Variants in LEKR1 observed in about 807,000 individuals in gnomAD.
LEKR1 encodes protein LEKR1.
Under a neutral mutation model 72.4 loss-of-function variants are expected in LEKR1, and 59 were observed. The observed-to-expected ratio is 0.82, with a 90% CI of 0.66 to 1.01. The LOEUF (loss-of-function observed/expected upper bound fraction) is 1.01, where lower values mean the gene tolerates loss of function less well. Ranked by LOEUF, LEKR1 falls within the 50% of genes least tolerant of loss-of-function variation. The pLI is 0.00. For missense variants in LEKR1, 728 were observed against 759.2 expected, an observed-to-expected ratio of 0.96 and a Z score of 0.48; for synonymous variants, 257 against 263.2, an observed-to-expected ratio of 0.98 and a Z score of 0.23.
chr3:156,865,947 A>T (rs778159543), intron 3 of LEKR1, among the ~76,000 whole-genome samples: 2 of 152,054 alleles, frequency 1.3e-5, no homozygotes, highest in Non-Finnish European at 2.9e-5. Context: ...TGGGGTTCCC[A>T]TGAACATCCT....
rs553093265 is a variant in LEKR1 at position 156,859,759 on chromosome 3, ACT to A, written c.263+6780_263+6781del. 2.9e-3 allele frequency among the ~76,000 whole-genome samples: 442 copies of A among 152,204 alleles called. 1 individual carries two copies. The highest frequency in any genetic ancestry group is 4.5e-3 in the Non-Finnish European group (305 of 67,994). Reference sequence around the variant, plus strand: ...AGAACAGTTTCACTACCCTAAAAATACTCTGTGTTCTACTTATGCATCCTCCT... The same window carrying A: ...AGAACAGTTTCACTACCCTAAAAATACTGTGTTCTACTTATGCATCCTCCT... On this transcript the variant is annotated intron_variant, in intron 3 of 12. Transcript: ENST00000356539.
chr3:156,911,775 CT>C (rs1254798359), intron 3 of LEKR1, among the ~76,000 whole-genome samples: 1 of 151,482 alleles, frequency 6.6e-6, no homozygotes, highest in Non-Finnish European at 1.5e-5. Context: ...TTCCCAATTG[CT>C]TTTTTTTGTC....
chr3:156,974,860 T>G (rs1291031514), intron 6 of LEKR1, among the ~76,000 whole-genome samples: 1 of 152,148 alleles, frequency 6.6e-6, no homozygotes, highest in Non-Finnish European at 1.5e-5. Flanking sequence ...CAATTAACAC[T>G]TCCATTTTTA....
chr3:156,840,958 A>ACAAAG (rs1198869654), intron 2 of LEKR1, among the ~76,000 whole-genome samples: 1 of 151,568 alleles, frequency 6.6e-6, no homozygotes, highest in Non-Finnish European at 1.5e-5. Context: ...AATAAAAGAA[A>ACAAAG]CAAAGCAAAG....
At chr3:156,853,514 A>G (rs552833470) in intron 3 of LEKR1, among the ~76,000 whole-genome samples, 3 of 152,088 alleles carry the variant, frequency 2.0e-5, no homozygotes, top group Non-Finnish European at 4.4e-5. Context: ...GTGAGCCTAC[A>G]CAGGAGAGTT....
chr3:156,931,795 C>T, intron 5 of LEKR1, among the ~76,000 whole-genome samples: 1 of 151,882 alleles, frequency 6.6e-6, no homozygotes, highest in Non-Finnish European at 1.5e-5. Context: ...ACAGGCAAAA[C>T]TAATCTACAC....
rs529057195 is a variant in LEKR1, at chr3:157,002,139, G to A, written c.1109+8862G>A. ...TAAATTTAGAATCTAAATCTGTGTC[G>A]TTTCCTATAATTCTAAAACATCAAC... is the stretch of plus-strand genomic sequence containing the variant. On this transcript the variant is annotated intron_variant, in intron 9 of 12. Transcript: ENST00000356539. Among the ~76,000 whole-genome samples, 278 of 152,096 alleles carry A rather than the reference G, an allele frequency of 1.8e-3. 2 individuals carry two copies. The highest frequency in any genetic ancestry group is 6.4e-3 in the African/African-American group (264 of 41,498).
At chr3:156,982,831 A>G (rs751361928) in intron 7 of LEKR1, among the ~76,000 whole-genome samples, 1 of 148,408 alleles carries the variant, frequency 6.7e-6, no homozygotes, top group Non-Finnish European at 1.5e-5. Context: ...TTTCATATAT[A>G]TATGAATATG....
In LEKR1 at chr3:156,846,611, T is replaced by C. The variant is rs568974470; in HGVS notation, c.49-6157T>C. Among the ~76,000 whole-genome samples the C allele has an allele frequency of 2.0e-5, 3 of 152,298 alleles. No individual in the cohort carries two copies. In the South Asian group the frequency reaches 6.2e-4, roughly 32 times the overall value. On this transcript the variant is annotated intron_variant, in intron 2 of 12. Coordinates refer to ENST00000356539, the MANE Select transcript of LEKR1 (RefSeq NM_001004316.3). ...ATATATTGCCCTATCTCAAAAACTT[T>C]CTCCTAATCTGAATGATATTTACTA...
At chr3:156,998,571 T>C (rs1312892603) in intron 9 of LEKR1, among the ~76,000 whole-genome samples, 1 of 152,138 alleles carries the variant, frequency 6.6e-6, no homozygotes, top group East Asian at 1.9e-4. Context: ...ATGAAGAATG[T>C]TGTTAGAGGA....
At chr3:156,832,520 A>G (rs1336905280) in intron 2 of LEKR1, among the ~76,000 whole-genome samples, 2 of 152,244 alleles carry the variant, frequency 1.3e-5, no homozygotes, top group Non-Finnish European at 2.9e-5. Context: ...CAGCAAGAAT[A>G]GTTATTTGCC....
At chr3:156,980,527 A>T (rs1445716425) in intron 7 of LEKR1, among the ~76,000 whole-genome samples, 2 of 151,582 alleles carry the variant, frequency 1.3e-5, no homozygotes, top group Non-Finnish European at 2.9e-5. Context: ...TTTTTGGGAG[A>T]TTGTTTTAAA....
At chr3:156,944,395 T>G (rs1167481343) in intron 6 of LEKR1, among the ~76,000 whole-genome samples, 1 of 151,840 alleles carries the variant, frequency 6.6e-6, no homozygotes, top group African/African-American at 2.4e-5. Flanking sequence ...CATTTGTCCT[T>G]TCTTTGTTTT....
intron 9 of LEKR1, 87 bp from the exon 10 acceptor site, chr3:157,011,326 A>T: frequency 1.2e-6 from 1 of 847,082 alleles, no homozygotes; most frequent in East Asian, 2.4e-5. Flanking sequence ...CTAAGTTTTG[A>T]AGTAATATCT....
At chr3:156,883,438 A>C (rs1576736655) in intron 3 of LEKR1, among the ~76,000 whole-genome samples, 1 of 152,286 alleles carries the variant, frequency 6.6e-6, no homozygotes, top group East Asian at 1.9e-4. Flanking sequence ...ACTGTTGAGA[A>C]GGCGTGATTG....
chr3:156,837,375 T>A (rs137862791), intron 2 of LEKR1, among the ~76,000 whole-genome samples: 1 of 152,288 alleles, frequency 6.6e-6, no homozygotes, highest in East Asian at 1.9e-4. Context: ...CATACTGACA[T>A]GAACTGAAAA....
chr3:156,971,754 T>A (rs1030321753), intron 6 of LEKR1, among the ~76,000 whole-genome samples: 4 of 152,192 alleles, frequency 2.6e-5, no homozygotes, highest in African/African-American at 4.8e-5. Context: ...TCATCATCAC[T>A]GGCCATCAGA....
At chr3:156,990,750 A>C (rs1428395673) in intron 7 of LEKR1, among the ~76,000 whole-genome samples, 1 of 152,178 alleles carries the variant, frequency 6.6e-6, no homozygotes, top group Non-Finnish European at 1.5e-5. Context: ...CTGAAATTAG[A>C]ATATTATGTC....
At chr3:156,973,019 A>T (rs898317893) in intron 6 of LEKR1, among the ~76,000 whole-genome samples, 3 of 152,134 alleles carry the variant, frequency 2.0e-5, no homozygotes, top group Non-Finnish European at 4.4e-5. Flanking sequence ...AAAATAACAA[A>T]TAAGAAAGTT....
Sources: gnomAD v4.1 joint callset for allele counts (sites outside exome capture counted in the v4.1 genomes callset) on GRCh38, gnomAD v4.1.1 for gene constraint, MANE v1.5 for transcripts, NCBI Gene and HGNC (gene_info 2026-07-23, HGNC 2026-07-21) for gene names.